The following HMGN1 variants were observed in gnomAD, a reference collection of about 807,000 sequenced individuals.
The protein encoded by HMGN1 is non-histone chromosomal protein HMG-14.
A neutral mutation model predicts 18.4 loss-of-function variants in HMGN1; 9 were observed. The observed-to-expected ratio is 0.49, with a 90% CI of 0.29 to 0.85. The LOEUF (loss-of-function observed/expected upper bound fraction) is 0.85. Ranked by LOEUF, HMGN1 falls within the 40% of genes least tolerant of loss-of-function variation. The pLI is 0.07. For synonymous variants in HMGN1, 59 were observed against 45.0 expected (o/e 1.31, Z -1.24); for missense variants, 151 against 119.2 (o/e 1.27, Z -1.24).
At position 39,348,990 on chromosome 21, in the gene HMGN1, C is replaced by T. The variant is rs2037174777; in HGVS notation, c.-73G>A. 8.4e-7 allele frequency: 1 copy of T among 1,194,912 alleles called. No homozygotes were observed. The highest frequency in any genetic ancestry group is 1.0e-6 in the Non-Finnish European group (1 of 967,568). The allele number at this position is 1,194,912 out of a possible 1,614,324, so 74.0% of individuals were successfully genotyped here. A position where few individuals can be genotyped will look rare whatever the true frequency, so the allele number is the denominator to read the frequency against. On this transcript the variant is annotated 5_prime_UTR_variant, in exon 1 of 6. Transcript: ENST00000380749. The stretch of plus-strand genomic sequence containing the variant: ...TGCCGGGTGCCTGCGGGCCGCGGCG[C>T]GCCGACAGCCTTCGCGAAACTGGGC...
chr21:39,348,122 C>T (rs1292452668), intron 4 of HMGN1, 170 bp downstream of exon 4: 1 of 933,770 alleles, frequency 1.1e-6, no homozygotes, highest in Non-Finnish European at 1.6e-6. Context: ...GTTCTATAAA[C>T]CAGGATGAAT....
chr21:39,348,027 A>G, intron 4 of HMGN1: 1 of 1,143,308 alleles, frequency 8.7e-7, no homozygotes, highest in Non-Finnish European at 1.2e-6. Context: ...CAACGCAAAG[A>G]ATAAATTTCC....
rs1265539371 is a variant in HMGN1 at position 39,345,254 on chromosome 21, T to A, written c.147A>T (p.Lys49Asn). ...AAAKDKSSDKKVQTKGKRGAK... is the reference protein window; with the variant it reads ...AAAKDKSSDKNVQTKGKRGAK... Reference sequence around the variant, plus strand: ...CTCCCCTTTTCCCTTTTGTTTGCACTTTTTTGTCTGAAGATTTATCCTATG... The same window carrying A: ...CTCCCCTTTTCCCTTTTGTTTGCACATTTTTGTCTGAAGATTTATCCTATG... Residue 49 changes from lysine (K) to asparagine (N), a missense_variant, in exon 5 of 6, where the codon AAA becomes AAT. Transcript: ENST00000380749. The A allele has an allele frequency of 6.2e-7, 1 of 1,613,052 alleles. No homozygotes were observed. Among genetic ancestry groups the A allele is most frequent in the Non-Finnish European group, 8.5e-7 (1 of 1,179,340 alleles).
rs746974960 is a variant in HMGN1, at chr21:39,348,530, A to G, written c.48+15T>C. 4 of 1,613,254 alleles carry G rather than the reference A, an allele frequency of 2.5e-6. No homozygotes were observed. The highest frequency in any genetic ancestry group is 3.4e-6 in the Non-Finnish European group (4 of 1,179,830). On this transcript the variant is annotated intron_variant, in intron 2 of 5. Transcript: ENST00000380749. ...ACGGGAAACCCACCACCCCCCGCAG[A>G]AGGCCCGCACTCACCTCTTCCTTGG... is the stretch of plus-strand genomic sequence containing the variant.
At chr21:39,345,727 G>A (rs527798817) in intron 4 of HMGN1, 19 of 713,558 alleles carry the variant, frequency 2.7e-5, no homozygotes, top group South Asian at 2.2e-4. Flanking sequence ...GTTGAATACC[G>A]GAGGAGTCTC....
intron 4 of HMGN1, 143 bp from the exon 5 acceptor site, chr21:39,345,417 A>C (rs967410677): frequency 1.4e-6 from 1 of 731,544 alleles, no homozygotes; most frequent in African/African-American, 1.8e-5. Flanking sequence ...GACATCTCAC[A>C]CATGAGCGTG....
chr21:39,346,997 GAAAGAAACAAGAAAAATGT>G (rs1375031093), intron 4 of HMGN1: 1 of 151,936 alleles, frequency 6.6e-6, no homozygotes, highest in African/African-American at 2.4e-5. Flanking sequence ...GATAAATAAG[GAAAGAAACAAGAAAAATGT>G]AAAGAGGGAA....
chr21:39,344,800 G>T lies in HMGN1; in HGVS notation c.255+346C>A, dbSNP rs144675569. Among the ~76,000 whole-genome samples the T allele has an allele frequency of 6.6e-3, 1,007 of 152,136 alleles. 9 individuals carry two copies. The highest frequency in any genetic ancestry group is 8.5e-3 in the Non-Finnish European group (575 of 67,990). On this transcript the variant is annotated intron_variant, in intron 5 of 5. Transcript: ENST00000380749. The stretch of plus-strand genomic sequence containing the variant: ...AAACAAAAACATTTTCATTAGAAAT[G>T]AAAGTGGGAAAAAAATGCCAGGAAA...
intron 5 of HMGN1, 25 bp from the exon 6 acceptor site, chr21:39,343,184 C>A (rs752088776): frequency 5.1e-6 from 8 of 1,582,870 alleles, no homozygotes; most frequent in East Asian, 4.5e-5. Flanking sequence ...AAATTGAGAT[C>A]TTTAGCATTT....
intron 4 of HMGN1, chr21:39,345,635 C>T (rs1569006095): frequency 2.6e-6 from 1 of 391,898 alleles, no homozygotes. Context: ...TATGACAAAT[C>T]CTAAAGCCCG....
At chr21:39,347,431 A>T in intron 4 of HMGN1, 1 of 1,287,160 alleles carries the variant, frequency 7.8e-7, no homozygotes, top group Non-Finnish European at 1.0e-6. Context: ...CTCAATGTCA[A>T]GGAAATTAAT....
At chr21:39,344,829 G>T in intron 5 of HMGN1, among the ~76,000 whole-genome samples, 1 of 152,096 alleles carries the variant, frequency 6.6e-6, no homozygotes, top group East Asian at 1.9e-4. Flanking sequence ...CAGGAAAAAT[G>T]CAAGTAAGGG....
intron 4 of HMGN1, 61 bp from the exon 5 acceptor site, chr21:39,345,335 T>A (rs994295677): frequency 1.9e-6 from 3 of 1,539,078 alleles, no homozygotes; most frequent in Non-Finnish European, 2.7e-6. Context: ...CATTTTGTTT[T>A]ACTTTTTCCC....
intron 4 of HMGN1, chr21:39,346,709 T>C (rs2037067695): frequency 6.6e-6 from 1 of 152,318 alleles, no homozygotes; most frequent in South Asian, 2.1e-4. Flanking sequence ...TGATAATCGA[T>C]ACACCAAGTG....
At position 39,344,109 on chromosome 21, in the gene HMGN1, A is replaced by T. The variant is rs541623007; in HGVS notation, c.256-950T>A. Among the ~76,000 whole-genome samples the T allele has an allele frequency of 1.4e-4, 21 of 152,164 alleles. 1 individual carries two copies. The South Asian group carries it at 4.4e-3, about 32-fold the overall frequency. On this transcript the variant is annotated intron_variant, in intron 5 of 5. Transcript: ENST00000380749. ...GTTTCTACTAAAAATACAAAAAATT[A>T]GTTGGGTGTGGGGATGCACGCCTGT...
chr21:39,345,733 G>T, intron 4 of HMGN1: 1 of 806,264 alleles, frequency 1.2e-6, no homozygotes, highest in Non-Finnish European at 1.8e-6. Flanking sequence ...TACCGGAGGA[G>T]TCTCGTCGAC....
chr21:39,348,461 A>G lies in HMGN1; in HGVS notation c.49-10T>C. The G allele has an allele frequency of 1.2e-6, 2 of 1,614,188 alleles. No homozygotes were observed. Among genetic ancestry groups the G allele is most frequent in the Non-Finnish European group, 1.7e-6 (2 of 1,180,026 alleles). Reference sequence around the variant, plus strand: ...CCGATCTCCTCTTGGGCTTGGAGAAAGAAAAAGGAGAGTCAGCGAGAAGAG... The same window carrying G: ...CCGATCTCCTCTTGGGCTTGGAGAAGGAAAAAGGAGAGTCAGCGAGAAGAG... On this transcript the variant is annotated splice_polypyrimidine_tract_variant and intron_variant, in intron 2 of 5. Coordinates refer to ENST00000380749, the MANE Select transcript of HMGN1 (RefSeq NM_004965.7).
At chr21:39,347,316 A>AT in intron 4 of HMGN1, 1 of 974,608 alleles carries the variant, frequency 1.0e-6, no homozygotes, top group Non-Finnish European at 1.3e-6. Context: ...CATAGTTAAC[A>AT]TTTTTACACT....
chr21:39,347,419 T>A (rs1433690653), intron 4 of HMGN1: 12 of 1,266,422 alleles, frequency 9.5e-6, no homozygotes, highest in Non-Finnish European at 1.2e-5. Flanking sequence ...ATCCAACAAC[T>A]CCTCAATGTC....
Sources: allele counts gnomAD v4.1 joint callset (sites outside exome capture counted in the v4.1 genomes callset), GRCh38; gene constraint gnomAD v4.1.1; transcripts MANE v1.5; gene names NCBI Gene and HGNC (gene_info 2026-07-23, HGNC 2026-07-21).